INHBC: variants seen among roughly 807,000 people sequenced by gnomAD.
INHBC encodes the protein inhibin beta C chain.
Under a neutral mutation model 12.4 loss-of-function variants are expected in INHBC, and 10 were observed. The ratio of observed to expected loss-of-function variants is 0.81; its 90% CI spans 0.50 to 1.37. The LOEUF (loss-of-function observed/expected upper bound fraction) is 1.37. INHBC is among the 40% of genes most tolerant of loss of function. The pLI is 0.00. For synonymous variants in INHBC, 147 were observed against 171.6 expected (o/e 0.86, Z 1.12); for missense variants, 382 against 439.4 (o/e 0.87, Z 1.17).
At chr12:57,447,895 ATAT>A (rs1566551423) in intron 1 of INHBC, among the ~76,000 whole-genome samples, 15 of 71,754 alleles carry the variant, frequency 2.1e-4, no homozygotes, top group African/African-American at 7.7e-4. Context: ...AAAAAAAAAT[ATAT>A]ATATATATAT....
chr12:57,437,749 C>T (rs953140643), intron 1 of INHBC, among the ~76,000 whole-genome samples: 3 of 151,066 alleles, frequency 2.0e-5, no homozygotes, highest in Non-Finnish European at 4.4e-5. Context: ...AGACCCTTCC[C>T]ATTTCTGGCC....
chr12:57,441,725 AGGCTGGAGTGCAGT>A (rs1870470502), intron 1 of INHBC, among the ~76,000 whole-genome samples: 1 of 149,846 alleles, frequency 6.7e-6, no homozygotes, highest in Non-Finnish European at 1.5e-5. Flanking sequence ...TCTGTTGCCC[AGGCTGGAGTGCAGT>A]GGCACAGTCT....
intron 1 of INHBC, among the ~76,000 whole-genome samples, chr12:57,442,045 C>T (rs1870477077): frequency 6.6e-6 from 1 of 152,060 alleles, no homozygotes. Flanking sequence ...TGTGGTGTAG[C>T]TGAGGTCTCC....
Position 57,451,972 on chromosome 12 carries a change from T to TA in INHBC, c.*1952dup, listed in dbSNP as rs1193660640. 2 of 367,402 alleles carry TA rather than the reference T, an allele frequency of 5.4e-6. No homozygotes were observed. The highest frequency in any genetic ancestry group is 2.1e-5 in the African/African-American group (1 of 46,640). The allele number at this position is 367,402 out of a possible 1,614,324, so 22.8% of individuals were successfully genotyped here. A position where few individuals can be genotyped will look rare whatever the true frequency, so the allele number is the denominator to read the frequency against. On this transcript the variant is annotated 3_prime_UTR_variant, in exon 2 of 2. Transcript: ENST00000309668. Reference sequence around the variant, plus strand: ...CAATTTATTAATCAAGATAGGACTTTAATGCAATATTATTTTAAAGTCAAA... The same window carrying TA: ...CAATTTATTAATCAAGATAGGACTTTAAATGCAATATTATTTTAAAGTCAAA...
chr12:57,449,714 G>C lies in INHBC; in HGVS notation c.751G>C (p.Glu251Gln). The C allele has an allele frequency of 6.2e-7, 1 of 1,614,252 alleles. No homozygotes were observed. Among genetic ancestry groups the C allele is most frequent in the Non-Finnish European group, 8.5e-7 (1 of 1,180,034 alleles). ...AGGGTCCAGGATGTGCTGTCGACAA[G>C]AGTTTTTTGTGGACTTCCGTGAGAT... ...QGGSRMCCRQ[E>Q]FFVDFREIGW... is the part of the protein sequence containing the mutation. The change falls in exon 2 of 2, where the codon GAG (glutamate) becomes CAG (glutamine). Residue 251 changes from glutamate (E) to glutamine (Q), a missense_variant. Glu to Gln is a conservative substitution (Grantham distance 29, BLOSUM62 2). Coordinates refer to ENST00000309668, the MANE Select transcript of INHBC (RefSeq NM_005538.4).
chr12:57,434,818 A>G lies in INHBC; in HGVS notation c.-69A>G, dbSNP rs2139828412. Reference sequence around the variant, plus strand: ...CCAGGGCCTCTGGCAGCCAGGACAGAGTTGAGACCACAGCTGTTGAGACCC... The same window carrying G: ...CCAGGGCCTCTGGCAGCCAGGACAGGGTTGAGACCACAGCTGTTGAGACCC... On this transcript the variant is annotated 5_prime_UTR_variant, in exon 1 of 2. Transcript: ENST00000309668. 7.0e-7 allele frequency: 1 copy of G among 1,437,224 alleles called. No homozygotes were observed. The highest frequency in any genetic ancestry group is 9.5e-7 in the Non-Finnish European group (1 of 1,052,940). 89.0% of individuals were successfully genotyped at this position (1,437,224 alleles called of 1,614,324 possible).
rs1264518578 is a variant in INHBC, at chr12:57,451,655, A to G, written c.*1633A>G. 6.6e-6 allele frequency among the ~76,000 whole-genome samples: 1 copy of G among 152,166 alleles called. No individual in the cohort carries two copies. Among genetic ancestry groups the G allele is most frequent in the Non-Finnish European group, 1.5e-5 (1 of 68,034 alleles). On this transcript the variant is annotated 3_prime_UTR_variant, in exon 2 of 2. Coordinates refer to ENST00000309668, the MANE Select transcript of INHBC (RefSeq NM_005538.4). ...TATGACCCCCTCCTATGAGGGTAAG[A>G]GGTCCCTGAAATAGGAACCCTAGAG...
chr12:57,441,287 G>T (rs1469320752), intron 1 of INHBC, among the ~76,000 whole-genome samples: 1 of 150,264 alleles, frequency 6.7e-6, no homozygotes, highest in Non-Finnish European at 1.5e-5. Flanking sequence ...CCAGGGGGTG[G>T]AGGTTGCAGT....
In INHBC at chr12:57,450,163, C is replaced by A; in HGVS notation, c.*141C>A. On this transcript the variant is annotated 3_prime_UTR_variant, in exon 2 of 2. Transcript: ENST00000309668. ...TCCTGAGCATCTTATGGAAATTACC[C>A]CACCTTTGACTTGAAGAAACCTTCA... The A allele has an allele frequency of 1.1e-6, 1 of 893,346 alleles. No homozygotes were observed. Among genetic ancestry groups the A allele is most frequent in the Non-Finnish European group, 1.6e-6 (1 of 635,854 alleles). The allele number at this position is 893,346 out of a possible 1,614,324, so 55.3% of individuals were successfully genotyped here.
In INHBC at chr12:57,450,527, C is replaced by G. The variant is rs1055097863; in HGVS notation, c.*505C>G. 4 of 152,526 alleles carry G rather than the reference C, an allele frequency of 2.6e-5. No individual in the cohort carries two copies. Among genetic ancestry groups the G allele is most frequent in the Non-Finnish European group, 5.9e-5 (4 of 68,268 alleles). The allele number at this position is 152,526 out of a possible 1,614,324, so 9.4% of individuals were successfully genotyped here. On this transcript the variant is annotated 3_prime_UTR_variant, in exon 2 of 2. Coordinates refer to ENST00000309668, the MANE Select transcript of INHBC (RefSeq NM_005538.4). ...CCCAAAATAGAGGCTTACCTACCCC[C>G]CTCTTTGTTGTGAGCCCCTGTCCTT... is the stretch of plus-strand genomic sequence containing the variant.
rs1341471016 is a variant in INHBC, at chr12:57,451,834, G to A, written c.*1812G>A. Reference sequence around the variant, plus strand: ...TCTGGTGTCTCCCCCACACATCCCCGACCCCCAGATCTAACCTCCTTCCCA... The same window carrying A: ...TCTGGTGTCTCCCCCACACATCCCCAACCCCCAGATCTAACCTCCTTCCCA... On this transcript the variant is annotated 3_prime_UTR_variant, in exon 2 of 2. Transcript: ENST00000309668. The A allele has an allele frequency of 1.3e-5, 6 of 455,366 alleles. No homozygotes were observed. Among genetic ancestry groups the A allele is most frequent in the South Asian group, 7.7e-5 (5 of 64,524 alleles). 28.2% of individuals were successfully genotyped at this position (455,366 alleles called of 1,614,324 possible).
chr12:57,443,559 C>T (rs998911571), intron 1 of INHBC, among the ~76,000 whole-genome samples: 7 of 152,000 alleles, frequency 4.6e-5, no homozygotes, highest in African/African-American at 1.7e-4. Flanking sequence ...GCTGGGATTA[C>T]AGGCATGAGC....
intron 1 of INHBC, among the ~76,000 whole-genome samples, chr12:57,439,153 G>C (rs1038746821): frequency 6.6e-6 from 1 of 152,130 alleles, no homozygotes; most frequent in Non-Finnish European, 1.5e-5. Context: ...CACTGTCTGC[G>C]TCCTAAAAAT....
chr12:57,450,059 A>G lies in INHBC; in HGVS notation c.*37A>G, dbSNP rs1292447219. 6.8e-7 allele frequency: 1 copy of G among 1,475,940 alleles called. No homozygotes were observed. 91.4% of individuals were successfully genotyped at this position (1,475,940 alleles called of 1,614,324 possible). On this transcript the variant is annotated 3_prime_UTR_variant, in exon 2 of 2. Transcript: ENST00000309668. Reference sequence around the variant, plus strand: ...TATGGGCAGCCCAAGGTTGCATGGGAAAACACGCCCCTACAGAAGTGCACT... The same window carrying G: ...TATGGGCAGCCCAAGGTTGCATGGGGAAACACGCCCCTACAGAAGTGCACT...
At chr12:57,447,892 A>AAAAAAAATATATATATATATAT (rs1555325179) in intron 1 of INHBC, among the ~76,000 whole-genome samples, 1 of 19,880 alleles carries the variant, frequency 5.0e-5, no homozygotes, top group Non-Finnish European at 1.1e-4. Flanking sequence ...AAAAAAAAAA[A>AAAAAAAATATATATATATATAT]ATATATATAT....
chr12:57,448,997 A>G (rs1870646789), intron 1 of INHBC, among the ~76,000 whole-genome samples: 2 of 152,144 alleles, frequency 1.3e-5, no homozygotes, highest in Non-Finnish European at 2.9e-5. Context: ...GGGGCTGATA[A>G]TTAAACTTAT....
chr12:57,437,320 G>A (rs961656760), intron 1 of INHBC, among the ~76,000 whole-genome samples: 1 of 152,076 alleles, frequency 6.6e-6, no homozygotes, highest in African/African-American at 2.4e-5. Context: ...ATAGACAGGG[G>A]AATAGTTGGA....
At chr12:57,444,542 G>GA (rs61276528) in intron 1 of INHBC, among the ~76,000 whole-genome samples, 1,115 of 94,870 alleles carry the variant, frequency 0.012, 10 homozygotes, top group African/African-American at 0.032. Flanking sequence ...CTCTGTCTCA[G>GA]AAAAAAAAAA....
intron 1 of INHBC, among the ~76,000 whole-genome samples, chr12:57,436,406 G>A (rs1473941790): frequency 4.8e-5 from 7 of 146,622 alleles, no homozygotes; most frequent in South Asian, 2.2e-4. Flanking sequence ...CTCGTGATCC[G>A]CCTGCCTCGG....
Sources: allele counts gnomAD v4.1 joint callset (sites outside exome capture counted in the v4.1 genomes callset), GRCh38; gene constraint gnomAD v4.1.1; transcripts MANE v1.5; gene names NCBI Gene and HGNC (gene_info 2026-07-23, HGNC 2026-07-21).